The following ABCA4 variants were observed in gnomAD, a reference collection of about 807,000 sequenced individuals.
The protein encoded by ABCA4 is ATP binding cassette subfamily A member 4.
ABCA4 carries 196 observed loss-of-function variants against 263.7 expected under a neutral mutation model. The observed-to-expected ratio is 0.74, with a 90% CI of 0.66 to 0.84. The LOEUF (loss-of-function observed/expected upper bound fraction) is 0.84. Among genes scored for constraint, ABCA4 ranks in the 40% least tolerant of loss-of-function variants. The probability of loss-of-function intolerance (pLI) is 0.00; values close to 1 mark genes in which losing one functional copy is unlikely to be tolerated. For missense variants in ABCA4, 2,792 were observed against 2,855.1 expected, an observed-to-expected ratio of 0.98 and a Z score of 0.50; for synonymous variants, 1,133 against 1,094.2, an observed-to-expected ratio of 1.04 and a Z score of -0.70.
intron 48 of ABCA4, 93 bp downstream of exon 48, chr1:93,997,768 A>G: frequency 1.3e-6 from 2 of 1,525,228 alleles, no homozygotes; most frequent in Middle Eastern, 2.0e-4. Context: ...AAAAATCGGG[A>G]ATGTTATGCC....
At position 94,055,126 on chromosome 1, in the gene ABCA4, C is replaced by A; in HGVS notation, c.2572G>T (p.Asp858Tyr). The A allele has an allele frequency of 6.2e-7, 1 of 1,614,100 alleles. No homozygotes were observed. Among genetic ancestry groups the A allele is most frequent in the Non-Finnish European group, 8.5e-7 (1 of 1,180,026 alleles). Residue 858 changes from aspartate to tyrosine, a missense_variant, in exon 16 of 50, where the codon GAT becomes TAT. Coordinates refer to ENST00000370225, the MANE Select transcript of ABCA4 (RefSeq NM_000350.3). ...AVYGLLAWYL[D>Y]QVFPGDYGTP... ...GGATGCTTACCTGGAAACACCTGATCAAGGTACCAAGCGAGTAAGCCATAG... is the reference window on the plus strand; with the variant it reads ...GGATGCTTACCTGGAAACACCTGATAAAGGTACCAAGCGAGTAAGCCATAG...
At chr1:94,001,449 T>C in intron 45 of ABCA4, 1 of 498,080 alleles carries the variant, frequency 2.0e-6, no homozygotes. Flanking sequence ...GTTCCCGCTA[T>C]GTCCTGTGCC....
At position 94,100,500 on chromosome 1, in the gene ABCA4, A is replaced by G. The variant is rs187485858; in HGVS notation, c.571-1509T>C. ...GATTTGAACCCAGAGCTTAACCATC[A>G]CCTGTTAACTCTCCAGTGAGTAGGG... is the stretch of plus-strand genomic sequence containing the variant. On this transcript the variant is annotated intron_variant, in intron 5 of 49. Transcript: ENST00000370225. Among the ~76,000 whole-genome samples, 42 of 152,274 alleles carry G rather than the reference A, an allele frequency of 2.8e-4. 1 individual carries two copies. The highest frequency in any genetic ancestry group is 3.4e-3 in the Middle Eastern group (1 of 294).
chr1:94,020,893 A>G lies in ABCA4; in HGVS notation c.5018+347T>C, dbSNP rs1659877933. 3.3e-5 allele frequency among the ~76,000 whole-genome samples: 5 copies of G among 152,260 alleles called. No individual in the cohort carries two copies. In the South Asian group the frequency reaches 8.3e-4, roughly 25 times the overall value. ...CCTGGAATCTAAGATAATTACTCCG[A>G]GGGAGCTGAAAGGTTTACTGAACTT... On this transcript the variant is annotated intron_variant, in intron 35 of 49. Coordinates refer to ENST00000370225, the MANE Select transcript of ABCA4 (RefSeq NM_000350.3).
intron 1 of ABCA4, among the ~76,000 whole-genome samples, chr1:94,117,341 G>T (rs1368764037): frequency 6.6e-6 from 1 of 152,050 alleles, no homozygotes; most frequent in African/African-American, 2.4e-5. Flanking sequence ...CACTGGAGTT[G>T]GTGCCCAGCC....
In ABCA4 at chr1:94,121,000, T is replaced by C. The variant is rs767182574; in HGVS notation, c.46A>G (p.Thr16Ala). ...QIQLLLWKNWTLRKRQKIRFV... is the reference protein window; with the variant it reads ...QIQLLLWKNWALRKRQKIRFV... ...GTTACCTTTTGCCTTTTCCGCAGGG[T>C]CCAGTTCTTCCAGAGCAAAAGCTGT... The change falls in exon 1 of 50, where the codon ACC becomes GCC. Residue 16 changes from threonine to alanine, a missense_variant. By Grantham distance (58) the Thr-to-Ala change is moderately conservative (BLOSUM62 0). Transcript: ENST00000370225. The C allele has an allele frequency of 6.2e-7, 1 of 1,601,612 alleles. No individual in the cohort carries two copies. Among genetic ancestry groups the C allele is most frequent in the Non-Finnish European group, 8.5e-7 (1 of 1,172,782 alleles).
At chr1:94,084,427 A>C (rs996328850) in intron 6 of ABCA4, among the ~76,000 whole-genome samples, 5 of 152,212 alleles carry the variant, frequency 3.3e-5, no homozygotes. Flanking sequence ...GGGCTGACCT[A>C]ACTTGCATCA....
intron 5 of ABCA4, among the ~76,000 whole-genome samples, chr1:94,099,957 C>T (rs1485494009): frequency 1.3e-5 from 2 of 152,116 alleles, no homozygotes; most frequent in Admixed American, 6.5e-5. Context: ...CCTGTGGCCA[C>T]CCAGCACCTT....
At chr1:94,046,472 A>AAAAAAAAAG (rs1553191034) in intron 19 of ABCA4, among the ~76,000 whole-genome samples, 3 of 148,728 alleles carry the variant, frequency 2.0e-5, no homozygotes, top group Admixed American at 6.7e-5. Context: ...AAAAAAAAAA[A>AAAAAAAAAG]AAAAGAAAAG....
intron 28 of ABCA4, 130 bp from the exon 29 acceptor site, chr1:94,030,656 C>T (rs762589528): frequency 3.0e-5 from 28 of 923,936 alleles, no homozygotes; most frequent in South Asian, 2.5e-4. Context: ...CTTGGGATGG[C>T]GCTAGCTCTC....
rs562536454 is a variant in ABCA4, at chr1:94,101,699, A to G, written c.570+1316T>C. Among the ~76,000 whole-genome samples the G allele has an allele frequency of 3.3e-5, 5 of 152,310 alleles. No homozygotes were observed. In the South Asian group the frequency reaches 1.0e-3, roughly 32 times the overall value. On this transcript the variant is annotated intron_variant, in intron 5 of 49. Coordinates refer to ENST00000370225, the MANE Select transcript of ABCA4 (RefSeq NM_000350.3). ...GTCTGGAGGAGGATCAGACCCAGCC[A>G]GGAGGGAGTCGGGAGGGTGTCTGGG... is the stretch of plus-strand genomic sequence containing the variant.
intron 6 of ABCA4, among the ~76,000 whole-genome samples, chr1:94,090,160 C>T (rs887651133): frequency 7.2e-5 from 11 of 152,174 alleles, no homozygotes; most frequent in South Asian, 2.1e-4. Flanking sequence ...GCAAACCCCA[C>T]GCTGACAGTG....
In ABCA4 at chr1:94,111,310, G is replaced by C. The variant is rs561465569; in HGVS notation, c.302+128C>G. On this transcript the variant is annotated intron_variant, in intron 3 of 49. Coordinates refer to ENST00000370225, the MANE Select transcript of ABCA4 (RefSeq NM_000350.3). ...GAGAGGAAACCTGCTCTGCTCCTAA[G>C]AGGTTAGGGGCTCAGCAAAGCCACA... 35 of 1,290,792 alleles carry C rather than the reference G, an allele frequency of 2.7e-5. No homozygotes were observed. The Middle Eastern group carries it at 1.0e-3, about 38-fold the overall frequency. 80.0% of individuals were successfully genotyped at this position (1,290,792 alleles called of 1,614,324 possible).
At chr1:94,012,413 G>A (rs1264731958) in intron 38 of ABCA4, among the ~76,000 whole-genome samples, 1 of 152,192 alleles carries the variant, frequency 6.6e-6, no homozygotes, top group Non-Finnish European at 1.5e-5. Context: ...AGATTCCCAT[G>A]AGAAAGTATC....
chr1:94,016,850 C>T (rs1659762042), intron 36 of ABCA4, among the ~76,000 whole-genome samples: 1 of 152,154 alleles, frequency 6.6e-6, no homozygotes, highest in Non-Finnish European at 1.5e-5. Flanking sequence ...CTGAGGGCCA[C>T]TTCCCACTGG....
rs1458777143 is a variant in ABCA4, at chr1:94,037,227, G to C, written c.3731C>G (p.Ala1244Gly). 6.2e-7 allele frequency: 1 copy of C among 1,614,224 alleles called. No individual in the cohort carries two copies. Residue 1244 changes from alanine (A) to glycine (G), a missense_variant, in exon 25 of 50, where the codon GCC (alanine) becomes GGC (glycine). Ala to Gly is a moderately conservative substitution (Grantham distance 60). Coordinates refer to ENST00000370225, the MANE Select transcript of ABCA4 (RefSeq NM_000350.3). The part of the protein sequence containing the change: ...PNKNFKHRAY[A>G]SLFRELEETL... ...CTCCTCCAGCTCTCTGAAAAGGCTGGCATATGCTCTGTGCTTGAAGTTCTT... is the reference window on the plus strand; with the variant it reads ...CTCCTCCAGCTCTCTGAAAAGGCTGCCATATGCTCTGTGCTTGAAGTTCTT...
At chr1:94,015,924 G>A in intron 36 of ABCA4, 70 bp from the exon 37 acceptor site, 4 of 1,339,888 alleles carry the variant, frequency 3.0e-6, no homozygotes, top group South Asian at 1.2e-5. Context: ...AAAATGAGGG[G>A]TGGGGCCAGG....
At chr1:94,021,042 G>A (rs1659880988) in intron 35 of ABCA4, among the ~76,000 whole-genome samples, 198 bp downstream of exon 35, 1 of 152,238 alleles carries the variant, frequency 6.6e-6, no homozygotes, top group East Asian at 1.9e-4. Context: ...CCACATAAAT[G>A]TTGGGGAGAA....
chr1:94,101,615 C>G (rs1166109361), intron 5 of ABCA4, among the ~76,000 whole-genome samples: 3 of 152,224 alleles, frequency 2.0e-5, no homozygotes, highest in Non-Finnish European at 4.4e-5. Context: ...CTGTGCAGAC[C>G]TTGATCTCAG....
Sources: allele counts gnomAD v4.1 joint callset (sites outside exome capture counted in the v4.1 genomes callset), GRCh38; gene constraint gnomAD v4.1.1; transcripts MANE v1.5; gene names NCBI Gene and HGNC (gene_info 2026-07-23, HGNC 2026-07-21).